The following TEAD1 variants were observed in gnomAD, a reference collection of about 807,000 sequenced individuals.
The protein encoded by TEAD1 is transcriptional enhancer factor TEF-1.
TEAD1 carries 9 observed loss-of-function variants against 54.9 expected under a neutral mutation model. The ratio of observed to expected loss-of-function variants is 0.16; its 90% CI spans 0.10 to 0.29. The LOEUF (loss-of-function observed/expected upper bound fraction) is 0.29, where lower values mean the gene tolerates loss of function less well. TEAD1 is among the 10% of genes least tolerant of loss of function. The pLI is 1.00. For synonymous variants in TEAD1, 200 were observed against 187.8 expected, an observed-to-expected ratio of 1.07 and a Z score of -0.53; for missense variants, 387 against 535.9, an observed-to-expected ratio of 0.72 and a Z score of 2.74.
At chr11:12,807,495 A>G (rs1946200015) in intron 3 of TEAD1, among the ~76,000 whole-genome samples, 2 of 152,140 alleles carry the variant, frequency 1.3e-5, no homozygotes, top group Admixed American at 1.3e-4. Flanking sequence ...AACCTTCTCT[A>G]AGTTTCAGTT....
chr11:12,841,454 C>T (rs1470006020), intron 3 of TEAD1, among the ~76,000 whole-genome samples: 1 of 152,122 alleles, frequency 6.6e-6, no homozygotes, highest in Non-Finnish European at 1.5e-5. Context: ...CAGTTTTTCT[C>T]GATTATTTTT....
Position 12,766,904 on chromosome 11 carries a change from C to T in TEAD1, c.202+2470C>T, listed in dbSNP as rs552865704. The stretch of plus-strand genomic sequence containing the variant: ...TATCCTAATTGGGGCTCAGAAGATG[C>T]GTTGGATGCACTGTCCTGCAGCCAC... On this transcript the variant is annotated intron_variant, in intron 3 of 12. Coordinates refer to ENST00000527636, the MANE Select transcript of TEAD1 (RefSeq NM_021961.6). Among the ~76,000 whole-genome samples, 14 of 152,242 alleles carry T rather than the reference C, an allele frequency of 9.2e-5. No individual in the cohort carries two copies. The South Asian group carries it at 1.7e-3, about 18-fold the overall frequency.
intron 2 of TEAD1, among the ~76,000 whole-genome samples, chr11:12,724,162 C>T (rs532192424): frequency 1.3e-5 from 2 of 152,284 alleles, no homozygotes; most frequent in South Asian, 4.1e-4. Context: ...ACACTGTCCC[C>T]TCCGCAACAA....
At chr11:12,903,403 A>C (rs913111759) in intron 10 of TEAD1, among the ~76,000 whole-genome samples, 1 of 152,364 alleles carries the variant, frequency 6.6e-6, no homozygotes, top group African/African-American at 2.4e-5. Flanking sequence ...GGATGAATTA[A>C]AGAAAAATTT....
intron 2 of TEAD1, among the ~76,000 whole-genome samples, chr11:12,745,383 T>G (rs944184225): frequency 1.4e-4 from 22 of 152,160 alleles, no homozygotes; most frequent in Admixed American, 2.0e-4. Context: ...GAAACTACAG[T>G]GAATTTCACT....
chr11:12,773,645 C>CT (rs1328926158), intron 3 of TEAD1, among the ~76,000 whole-genome samples: 2 of 152,062 alleles, frequency 1.3e-5, no homozygotes, highest in Non-Finnish European at 2.9e-5. Context: ...TTTTGGAATT[C>CT]TTTTTTCTAG....
Position 12,944,336 on chromosome 11 carries a change from A to G in TEAD1, c.*7114A>G, listed in dbSNP as rs1949188415. On this transcript the variant is annotated 3_prime_UTR_variant, in exon 13 of 13. Transcript: ENST00000527636. ...CCTCTTGGCAGTACAGTATTCTTGT[A>G]TTTGTTAACGTCTGTGTTTAGGTAC... 1 of 152,574 alleles carries G rather than the reference A, an allele frequency of 6.6e-6. No individual in the cohort carries two copies. Among genetic ancestry groups the G allele is most frequent in the Non-Finnish European group, 1.5e-5 (1 of 68,028 alleles). The allele number at this position is 152,574 out of a possible 1,614,324, so 9.5% of individuals were successfully genotyped here.
At position 12,937,444 on chromosome 11, in the gene TEAD1, A is replaced by G. The variant is rs1949120363; in HGVS notation, c.*222A>G. On this transcript the variant is annotated 3_prime_UTR_variant, in exon 13 of 13. Transcript: ENST00000527636. ...CTGTGAAGTTCTGGTACAGTTGTAAAAAGAGAAATTGAGTTGTTTCTCTAT... is the reference window on the plus strand; with the variant it reads ...CTGTGAAGTTCTGGTACAGTTGTAAGAAGAGAAATTGAGTTGTTTCTCTAT... 5 of 420,970 alleles carry G rather than the reference A, an allele frequency of 1.2e-5. No individual in the cohort carries two copies. The South Asian group carries it at 1.4e-4, about 12-fold the overall frequency. The allele number at this position is 420,970 out of a possible 1,614,324, so 26.1% of individuals were successfully genotyped here.
At chr11:12,691,699 C>T (rs557640322) in intron 2 of TEAD1, among the ~76,000 whole-genome samples, 1 of 152,282 alleles carries the variant, frequency 6.6e-6, no homozygotes, top group East Asian at 1.9e-4. Context: ...ATGTAGGCTT[C>T]ACAGAAGTCT....
intron 8 of TEAD1, among the ~76,000 whole-genome samples, chr11:12,882,621 A>G (rs1033635258): frequency 2.0e-5 from 3 of 152,190 alleles, no homozygotes; most frequent in Non-Finnish European, 2.9e-5. Flanking sequence ...CTTAAGGAAG[A>G]TGGGCAAACA....
At chr11:12,766,631 CTAGCCTG>C (rs1400091355) in intron 3 of TEAD1, among the ~76,000 whole-genome samples, 1 of 152,194 alleles carries the variant, frequency 6.6e-6, no homozygotes, top group Non-Finnish European at 1.5e-5. Context: ...GCTTGGGAGC[CTAGCCTG>C]TCTTGGGTAC....
chr11:12,865,020 G>A, intron 5 of TEAD1, 120 bp downstream of exon 5: 1 of 1,106,672 alleles, frequency 9.0e-7, no homozygotes, highest in Non-Finnish European at 1.4e-6. Flanking sequence ...GCATGTGAGA[G>A]CTGTTTACAT....
chr11:12,838,605 T>C (rs945182105), intron 3 of TEAD1, among the ~76,000 whole-genome samples: 1 of 152,216 alleles, frequency 6.6e-6, no homozygotes, highest in Non-Finnish European at 1.5e-5. Flanking sequence ...TTATTATAGA[T>C]TGGTTTTAAA....
At chr11:12,924,821 C>T in intron 10 of TEAD1, 91 bp from the exon 11 acceptor site, 5 of 1,486,344 alleles carry the variant, frequency 3.4e-6, no homozygotes, top group Non-Finnish European at 4.7e-6. Flanking sequence ...CTTCATTCAG[C>T]CAAGCAGAGG....
At chr11:12,703,030 A>T (rs1212505363) in intron 2 of TEAD1, among the ~76,000 whole-genome samples, 2 of 152,130 alleles carry the variant, frequency 1.3e-5, no homozygotes, top group African/African-American at 4.8e-5. Flanking sequence ...TGCCGGCTCC[A>T]GGTTACTTGT....
intron 3 of TEAD1, among the ~76,000 whole-genome samples, chr11:12,819,056 C>T (rs1946474914): frequency 1.3e-5 from 2 of 152,106 alleles, no homozygotes; most frequent in East Asian, 3.9e-4. Flanking sequence ...TTTGAATTAC[C>T]TTTAATGGTT....
chr11:12,885,411 G>A (rs1292189098), intron 9 of TEAD1, among the ~76,000 whole-genome samples: 1 of 151,734 alleles, frequency 6.6e-6, no homozygotes, highest in African/African-American at 2.4e-5. Context: ...AATTTTTTTT[G>A]TATTTTTAGT....
Position 12,940,850 on chromosome 11 carries a change from C to A in TEAD1, c.*3628C>A, listed in dbSNP as rs10500767. 26,449 of 152,108 alleles carry A rather than the reference C, an allele frequency of 0.17. 2,659 individuals are homozygous for A. Among genetic ancestry groups the A allele is most frequent in the Non-Finnish European group, 0.23 (15,339 of 67,970 alleles). 9.4% of individuals were successfully genotyped at this position (152,108 alleles called of 1,614,324 possible). ...ATGCTGTTCTGTAAATTTATTGAAA[C>A]CTCTGGAACATTTCACCTTTAGAGA... On this transcript the variant is annotated 3_prime_UTR_variant, in exon 13 of 13. Coordinates refer to ENST00000527636, the MANE Select transcript of TEAD1 (RefSeq NM_021961.6).
chr11:12,927,469 T>C (rs1948924020), intron 11 of TEAD1, among the ~76,000 whole-genome samples: 1 of 152,218 alleles, frequency 6.6e-6, no homozygotes, highest in Non-Finnish European at 1.5e-5. Flanking sequence ...TATACTGATA[T>C]TTGATGAGGC....
Sources: allele counts gnomAD v4.1 joint callset (sites outside exome capture counted in the v4.1 genomes callset), GRCh38; gene constraint gnomAD v4.1.1; transcripts MANE v1.5; gene names NCBI Gene and HGNC (gene_info 2026-07-23, HGNC 2026-07-21).